Variants in TENM4 observed in about 807,000 individuals in gnomAD.
TENM4 encodes the protein teneurin transmembrane protein 4.
A neutral mutation model predicts 243.3 loss-of-function variants in TENM4; 82 were observed. That is an observed-to-expected ratio of 0.34 (90% CI 0.28 to 0.40). The LOEUF is 0.40. Among genes scored for constraint, TENM4 ranks in the 10% least tolerant of loss-of-function variants. TENM4 has a pLI of 1.00. For missense variants in TENM4, 3,138 were observed against 3,673.3 expected (o/e 0.85, Z 3.77); for synonymous variants, 1,412 against 1,456.3 (o/e 0.97, Z 0.69).
intron 2 of TENM4, among the ~76,000 whole-genome samples, chr11:79,282,181 A>G (rs1215456411): frequency 6.6e-6 from 1 of 152,218 alleles, no homozygotes; most frequent in Non-Finnish European, 1.5e-5. Flanking sequence ...ATGTAAAATG[A>G]TCTCTCCTTT....
At chr11:78,696,855 T>A (rs922570310) in intron 28 of TENM4, among the ~76,000 whole-genome samples, 4 of 152,170 alleles carry the variant, frequency 2.6e-5, no homozygotes, top group African/African-American at 9.6e-5. Flanking sequence ...CTCTCAGGTA[T>A]GTGGGATTTT....
chr11:79,392,889 C>T (rs1190103949), intron 1 of TENM4, among the ~76,000 whole-genome samples: 1 of 152,134 alleles, frequency 6.6e-6, no homozygotes, highest in African/African-American at 2.4e-5. Context: ...GTTAACATTC[C>T]GAAGGGACAG....
intron 6 of TENM4, among the ~76,000 whole-genome samples, chr11:79,008,018 G>C (rs897204122): frequency 6.6e-6 from 1 of 152,164 alleles, no homozygotes; most frequent in African/African-American, 2.4e-5. Context: ...TCAGTGAATG[G>C]GATTTTTATG....
At position 79,396,799 on chromosome 11, in the gene TENM4, A is replaced by G. The variant is rs544130986; in HGVS notation, c.-321+43710T>C. ...TGGTTCACACTCCATAGGACCATTT[A>G]GTCTCTCAGGGGCAGAGAAAATAGA... is the stretch of plus-strand genomic sequence containing the variant. On this transcript the variant is annotated intron_variant, in intron 1 of 33. Coordinates refer to ENST00000278550, the MANE Select transcript of TENM4 (RefSeq NM_001098816.3). 5.8e-4 allele frequency among the ~76,000 whole-genome samples: 88 copies of G among 152,366 alleles called. 1 individual carries two copies. Among genetic ancestry groups the G allele is most frequent in the South Asian group, 3.9e-3 (19 of 4,832 alleles).
intron 18 of TENM4, 148 bp downstream of exon 18, chr11:78,770,844 C>T: frequency 1.0e-6 from 1 of 952,532 alleles, no homozygotes; most frequent in Non-Finnish European, 1.5e-6. Flanking sequence ...ATCCCTAAGC[C>T]ACATGTGCAG....
intron 3 of TENM4, among the ~76,000 whole-genome samples, chr11:79,186,869 T>G (rs1197684018): frequency 6.6e-6 from 1 of 152,344 alleles, no homozygotes; most frequent in East Asian, 1.9e-4. Context: ...AGCTCTAATT[T>G]ACTGCATCTG....
intron 4 of TENM4, among the ~76,000 whole-genome samples, chr11:79,098,993 A>G (rs914002615): frequency 1.3e-5 from 2 of 152,208 alleles, no homozygotes; most frequent in African/African-American, 4.8e-5. Flanking sequence ...GACACATGTA[A>G]AAATGGCTTT....
intron 4 of TENM4, chr11:79,092,973 C>T (rs1439422481): frequency 2.0e-5 from 3 of 152,164 alleles, no homozygotes; most frequent in Non-Finnish European, 4.4e-5. Context: ...TTGAGAGGCT[C>T]AAACAGAATT....
intron 2 of TENM4, among the ~76,000 whole-genome samples, chr11:79,280,413 C>T (rs938683813): frequency 6.6e-6 from 1 of 152,240 alleles, no homozygotes; most frequent in African/African-American, 2.4e-5. Context: ...TAGCAAGGTG[C>T]CACCACAGCT....
chr11:79,298,342 C>A (rs922433554), intron 1 of TENM4, among the ~76,000 whole-genome samples: 11 of 151,346 alleles, frequency 7.3e-5, no homozygotes, highest in Admixed American at 2.0e-4. Flanking sequence ...GGTGAAACCC[C>A]GTCTCTACTA....
chr11:79,181,242 C>T (rs912345735), intron 3 of TENM4, among the ~76,000 whole-genome samples: 3 of 152,100 alleles, frequency 2.0e-5, no homozygotes, highest in Non-Finnish European at 4.4e-5. Flanking sequence ...AACTACACAC[C>T]ATGACTAAAT....
At chr11:79,434,624 C>T (rs533659763) in intron 1 of TENM4, among the ~76,000 whole-genome samples, 1 of 152,300 alleles carries the variant, frequency 6.6e-6, no homozygotes, top group South Asian at 2.1e-4. Flanking sequence ...TTCAGCAGAA[C>T]AGCTCAAAAT....
chr11:79,287,445 AC>A (rs1291285445), intron 2 of TENM4, among the ~76,000 whole-genome samples: 1 of 152,212 alleles, frequency 6.6e-6, no homozygotes, highest in Non-Finnish European at 1.5e-5. Flanking sequence ...GGGTCATCCA[AC>A]AAAGATTTAA....
chr11:79,024,596 A>ATT (rs1270557436), intron 6 of TENM4, among the ~76,000 whole-genome samples: 1 of 151,970 alleles, frequency 6.6e-6, no homozygotes, highest in Non-Finnish European at 1.5e-5. Flanking sequence ...ATCTGTGTAC[A>ATT]TTTTTTTCTC....
In TENM4 at chr11:78,688,133, C is replaced by A; in HGVS notation, c.5181G>T (p.Gln1727His). 6.2e-7 allele frequency: 1 copy of A among 1,614,000 alleles called. No homozygotes were observed. The highest frequency in any genetic ancestry group is 8.5e-7 in the Non-Finnish European group (1 of 1,179,902). Residue 1727 changes from glutamine (Q) to histidine (H), a missense_variant, in exon 29 of 34, where the codon CAG (glutamine) becomes CAT (histidine). This residue lies in a region of TENM4 where 2,467 missense variants were observed against 3,059.1 expected (regional missense o/e 0.81). Coordinates refer to ENST00000278550, the MANE Select transcript of TENM4 (RefSeq NM_001098816.3). ...RSDTDSSVHV[Q>H]VETSSKDDVT... ...CATCATCCTTGCTGGAGGTCTCTAC[C>A]TGGACATGCACTGAACTGTCTGTAT... is the stretch of plus-strand genomic sequence containing the variant.
intron 1 of TENM4, among the ~76,000 whole-genome samples, chr11:79,374,199 C>A (rs1412492110): frequency 6.6e-6 from 1 of 152,094 alleles, no homozygotes; most frequent in Non-Finnish European, 1.5e-5. Flanking sequence ...CATGCTATGA[C>A]CACAATGACC....
At chr11:79,204,492 C>T (rs1456073970) in intron 3 of TENM4, among the ~76,000 whole-genome samples, 1 of 152,104 alleles carries the variant, frequency 6.6e-6, no homozygotes, top group Non-Finnish European at 1.5e-5. Flanking sequence ...ACAATGTGGG[C>T]ACAGAACCAT....
intron 28 of TENM4, among the ~76,000 whole-genome samples, chr11:78,694,179 A>G (rs1292902998): frequency 6.6e-6 from 1 of 152,200 alleles, no homozygotes; most frequent in African/African-American, 2.4e-5. Context: ...GCCCTCTGAT[A>G]CTAAACTTTT....
intron 7 of TENM4, among the ~76,000 whole-genome samples, chr11:78,894,126 T>C (rs1297868600): frequency 1.3e-5 from 2 of 152,200 alleles, no homozygotes; most frequent in East Asian, 1.9e-4. Context: ...CAGTGCTTCA[T>C]TGAAGATGGC....
Sources: allele counts gnomAD v4.1 joint callset (sites outside exome capture counted in the v4.1 genomes callset), GRCh38; gene constraint gnomAD v4.1.1; regional missense constraint gnomAD v4.1.1; transcripts MANE v1.5; gene names NCBI Gene and HGNC (gene_info 2026-07-23, HGNC 2026-07-21).